Variants in NR6A1 observed in about 807,000 individuals in gnomAD.
NR6A1 encodes the protein retinoic acid receptor-related testis-associated receptor.
NR6A1 carries 7 observed loss-of-function variants against 59.1 expected under a neutral mutation model. The ratio of observed to expected loss-of-function variants is 0.12; its 90% CI spans 0.07 to 0.22. The LOEUF (loss-of-function observed/expected upper bound fraction) is 0.22. NR6A1 is among the 10% of genes least tolerant of loss of function. NR6A1 has a pLI of 1.00. For synonymous variants in NR6A1, 243 were observed against 236.1 expected (o/e 1.03, Z -0.27); for missense variants, 468 against 611.6 (o/e 0.77, Z 2.48).
chr9:124,737,171 T>C (rs1040928466), intron 1 of NR6A1, among the ~76,000 whole-genome samples: 1 of 152,088 alleles, frequency 6.6e-6, no homozygotes, highest in Admixed American at 6.6e-5. Flanking sequence ...AAAGACTCTA[T>C]ATTCACACTA....
intron 1 of NR6A1, among the ~76,000 whole-genome samples, chr9:124,748,643 G>A (rs549893050): frequency 1.4e-4 from 20 of 147,912 alleles, no homozygotes; most frequent in South Asian, 4.3e-4. Flanking sequence ...GGCAGATCAC[G>A]AGGTCAGGAG....
intron 2 of NR6A1, among the ~76,000 whole-genome samples, chr9:124,575,446 C>T (rs1222610468): frequency 6.6e-6 from 1 of 152,032 alleles, no homozygotes; most frequent in African/African-American, 2.4e-5. Flanking sequence ...TGGTGGCACG[C>T]GCCTGTAGTC....
At chr9:124,757,326 G>A (rs908711496) in intron 1 of NR6A1, among the ~76,000 whole-genome samples, 5 of 151,944 alleles carry the variant, frequency 3.3e-5, no homozygotes, top group African/African-American at 4.8e-5. Flanking sequence ...GAAAAACAAT[G>A]GGCTGTCATA....
At chr9:124,555,287 C>T (rs568146386) in intron 2 of NR6A1, among the ~76,000 whole-genome samples, 2 of 152,276 alleles carry the variant, frequency 1.3e-5, no homozygotes, top group East Asian at 3.9e-4. Context: ...CAGGACCAAG[C>T]AACTGCTAAA....
chr9:124,630,869 A>C (rs1006944597), intron 2 of NR6A1, among the ~76,000 whole-genome samples: 2 of 149,792 alleles, frequency 1.3e-5, no homozygotes, highest in Non-Finnish European at 3.0e-5. Context: ...GTAGAGACGG[A>C]GTTTTTCCAC....
At chr9:124,595,562 A>G (rs962335400) in intron 2 of NR6A1, among the ~76,000 whole-genome samples, 1 of 152,122 alleles carries the variant, frequency 6.6e-6, no homozygotes, top group Non-Finnish European at 1.5e-5. Flanking sequence ...GTTCTCTCTC[A>G]CTTTTCTCCA....
At chr9:124,543,912 T>C (rs1833519413) in intron 3 of NR6A1, 55 bp from the exon 4 acceptor site, 2 of 1,502,154 alleles carry the variant, frequency 1.3e-6, no homozygotes, top group Non-Finnish European at 9.2e-7. Flanking sequence ...ATATAAGTCT[T>C]AGCACAAAAA....
intron 2 of NR6A1, among the ~76,000 whole-genome samples, chr9:124,583,570 G>C (rs1471023476): frequency 6.6e-6 from 1 of 152,078 alleles, no homozygotes; most frequent in African/African-American, 2.4e-5. Context: ...TTCTGTTTAG[G>C]GGCAGGGGCA....
At chr9:124,656,043 T>C (rs1020011241) in intron 2 of NR6A1, among the ~76,000 whole-genome samples, 2 of 152,168 alleles carry the variant, frequency 1.3e-5, no homozygotes, top group Non-Finnish European at 2.9e-5. Flanking sequence ...TGAAGGCAGA[T>C]CCCTCATGAA....
chr9:124,686,704 CTTTT>C (rs751899156), intron 2 of NR6A1, among the ~76,000 whole-genome samples: 3 of 135,796 alleles, frequency 2.2e-5, no homozygotes, highest in African/African-American at 2.7e-5. Flanking sequence ...CTTTAAAAGT[CTTTT>C]TTTTTTTTTT....
At chr9:124,590,115 C>T (rs939989050) in intron 2 of NR6A1, among the ~76,000 whole-genome samples, 3 of 134,604 alleles carry the variant, frequency 2.2e-5, no homozygotes, top group African/African-American at 8.2e-5. Context: ...CTGTAGCCAT[C>T]ACACTGAAGC....
chr9:124,719,880 C>G lies in NR6A1; in HGVS notation c.142+13428G>C, dbSNP rs560396214. On this transcript the variant is annotated intron_variant, in intron 2 of 9. Transcript: ENST00000487099. ...AGGCTGCAGTGAGCCATGATCGCAC[C>G]ATTGCACTCCAGCCTGGGTGACAAA... 2.0e-5 allele frequency among the ~76,000 whole-genome samples: 3 copies of G among 152,126 alleles called. No homozygotes were observed. In the South Asian group the frequency reaches 6.2e-4, roughly 32 times the overall value.
rs1351000918 is a variant in NR6A1 at position 124,518,279 on chromosome 9, G to A, written c.*4426C>T. 1 of 149,978 alleles carries A rather than the reference G, an allele frequency of 6.7e-6. No individual in the cohort carries two copies. Among genetic ancestry groups the A allele is most frequent in the Non-Finnish European group, 1.5e-5 (1 of 67,570 alleles). 9.3% of individuals were successfully genotyped at this position (149,978 alleles called of 1,614,324 possible). The stretch of plus-strand genomic sequence containing the variant: ...ATGAGCGGGGAGAGGCAGGGCCACC[G>A]TGGCTCGTGTCGTAGGACAGCTAGA... On this transcript the variant is annotated 3_prime_UTR_variant, in exon 10 of 10. Transcript: ENST00000487099.
chr9:124,598,491 T>C (rs914952607), intron 2 of NR6A1, among the ~76,000 whole-genome samples: 13 of 151,966 alleles, frequency 8.6e-5, no homozygotes, highest in African/African-American at 3.1e-4. Flanking sequence ...AAAAAGTAGA[T>C]AAACAAAATT....
chr9:124,635,031 G>A (rs997476530), intron 2 of NR6A1, among the ~76,000 whole-genome samples: 3 of 151,982 alleles, frequency 2.0e-5, no homozygotes, highest in Non-Finnish European at 4.4e-5. Flanking sequence ...CTTACAATAG[G>A]GTTCACTCTT....
intron 1 of NR6A1, among the ~76,000 whole-genome samples, chr9:124,750,375 C>T (rs1158901520): frequency 6.6e-6 from 1 of 152,192 alleles, no homozygotes; most frequent in Non-Finnish European, 1.5e-5. Flanking sequence ...AAGGATTTGT[C>T]CTAAACCTCA....
rs370188885 is a variant in NR6A1 at position 124,526,753 on chromosome 9, T to C, written c.1201+26A>G. 126 of 1,611,222 alleles carry C rather than the reference T, an allele frequency of 7.8e-5. No individual in the cohort carries two copies. In the African/African-American group the frequency reaches 1.5e-3, roughly 20 times the overall value. ...CTGCCTGCCTCCCGCACTGCAAACG[T>C]CCCTTTTCCCACCCCAGCCACTCAC... On this transcript the variant is annotated intron_variant, in intron 8 of 9. Coordinates refer to ENST00000487099, the MANE Select transcript of NR6A1 (RefSeq NM_033334.4).
chr9:124,703,264 G>A (rs1450497638), intron 2 of NR6A1, among the ~76,000 whole-genome samples: 1 of 144,844 alleles, frequency 6.9e-6, no homozygotes, highest in Non-Finnish European at 1.5e-5. Flanking sequence ...CCAGCCTGGA[G>A]TATAGTGGCA....
intron 2 of NR6A1, among the ~76,000 whole-genome samples, chr9:124,663,381 G>A (rs948323965): frequency 6.6e-6 from 1 of 152,166 alleles, no homozygotes; most frequent in Non-Finnish European, 1.5e-5. Flanking sequence ...CCTGCTTGGT[G>A]CAAGAAACAT....
Sources: allele counts gnomAD v4.1 joint callset (sites outside exome capture counted in the v4.1 genomes callset), GRCh38; gene constraint gnomAD v4.1.1; transcripts MANE v1.5; gene names NCBI Gene and HGNC (gene_info 2026-07-23, HGNC 2026-07-21).